C3orf33: variants seen among roughly 807,000 people sequenced by gnomAD.
C3orf33 encodes mitochondrial inner membrane subdomain organizer 1.
A neutral mutation model predicts 28.7 loss-of-function variants in C3orf33; 23 were observed. The observed-to-expected ratio is 0.80, with a 90% confidence interval of 0.58 to 1.13. C3orf33 has a LOEUF of 1.13. C3orf33 is among the 50% of genes most tolerant of loss of function. The pLI is 0.00. For missense variants in C3orf33, 327 were observed against 353.4 expected (o/e 0.93, Z 0.60); for synonymous variants, 119 against 120.5 (o/e 0.99, Z 0.08).
chr3:155,780,064 A>G (rs1039802689), intron 2 of C3orf33, among the ~76,000 whole-genome samples: 8 of 152,258 alleles, frequency 5.3e-5, no homozygotes, highest in Non-Finnish European at 1.2e-4. Flanking sequence ...ATAAGTGTAG[A>G]GCAATACATG....
intron 2 of C3orf33, among the ~76,000 whole-genome samples, chr3:155,777,640 T>A (rs1750793105): frequency 6.6e-6 from 1 of 152,102 alleles, no homozygotes; most frequent in Non-Finnish European, 1.5e-5. Context: ...TCTTTATTTG[T>A]CACCCAGGCT....
chr3:155,775,939 G>A, intron 2 of C3orf33, 91 bp from the exon 3 acceptor site: 2 of 921,764 alleles, frequency 2.2e-6, no homozygotes, highest in South Asian at 1.6e-5. Flanking sequence ...TTTCACAAGA[G>A]TACATAACCA....
chr3:155,774,687 T>A (rs1307721429), intron 3 of C3orf33, among the ~76,000 whole-genome samples: 3 of 100,686 alleles, frequency 3.0e-5, no homozygotes, highest in Non-Finnish European at 4.1e-5. Context: ...TTTTTTTTTT[T>A]AGCTCATCAG....
At chr3:155,798,606 T>C (rs1751548198) in intron 2 of C3orf33, among the ~76,000 whole-genome samples, 2 of 152,074 alleles carry the variant, frequency 1.3e-5, no homozygotes, top group Admixed American at 1.3e-4. Flanking sequence ...TCTCATCATA[T>C]ACAAAAATAA....
intron 1 of C3orf33, 94 bp downstream of exon 1, chr3:155,806,045 C>T: frequency 1.2e-6 from 1 of 857,660 alleles, no homozygotes; most frequent in Non-Finnish European, 1.6e-6. Context: ...TCCCCGGCCC[C>T]GGCGGGATCC....
At chr3:155,793,337 C>G (rs1489293979) in intron 2 of C3orf33, among the ~76,000 whole-genome samples, 1 of 149,608 alleles carries the variant, frequency 6.7e-6, no homozygotes, top group East Asian at 2.0e-4. Flanking sequence ...CCAGACATGT[C>G]CTGCAAGAAA....
At chr3:155,771,056 T>TGTGTGTGTGTG (rs1271435779) in intron 3 of C3orf33, among the ~76,000 whole-genome samples, 4 of 136,190 alleles carry the variant, frequency 2.9e-5, no homozygotes, top group African/African-American at 5.4e-5. Context: ...TGTGTGTGTG[T>TGTGTGTGTGTG]TGAGACATAG....
Position 155,763,421 on chromosome 3 carries a change from A to T in C3orf33, c.*96T>A. The T allele has an allele frequency of 1.1e-6, 1 of 885,330 alleles. No homozygotes were observed. The highest frequency in any genetic ancestry group is 1.6e-6 in the Non-Finnish European group (1 of 639,196). 54.8% of individuals were successfully genotyped at this position (885,330 alleles called of 1,614,324 possible). ...ATACCATTGGACTAACACTTTGATC[A>T]TTTGGCAAAACTTCCATTTTGATTC... On this transcript the variant is annotated 3_prime_UTR_variant, in exon 5 of 5. Coordinates refer to ENST00000340171, the MANE Select transcript of C3orf33 (RefSeq NM_001308229.2).
chr3:155,790,648 A>G (rs1226329501), intron 2 of C3orf33, among the ~76,000 whole-genome samples: 3 of 152,120 alleles, frequency 2.0e-5, no homozygotes, highest in Non-Finnish European at 4.4e-5. Context: ...GGGAGAATCT[A>G]TGCACTTGGA....
At chr3:155,780,155 T>C (rs772602741) in intron 2 of C3orf33, among the ~76,000 whole-genome samples, 1 of 152,216 alleles carries the variant, frequency 6.6e-6, no homozygotes, top group Non-Finnish European at 1.5e-5. Flanking sequence ...GGAGGCTGTC[T>C]TTACAGGAAG....
chr3:155,791,137 T>A (rs934861584), intron 2 of C3orf33, among the ~76,000 whole-genome samples: 2 of 152,222 alleles, frequency 1.3e-5, no homozygotes, highest in Admixed American at 1.3e-4. Context: ...AGCTCAGCTA[T>A]AGTAGGATAA....
intron 3 of C3orf33, among the ~76,000 whole-genome samples, chr3:155,771,604 C>G (rs917496455): frequency 6.6e-6 from 1 of 152,090 alleles, no homozygotes; most frequent in Non-Finnish European, 1.5e-5. Flanking sequence ...ACAATGTTGC[C>G]AGGGCTGGTC....
chr3:155,779,711 A>T (rs952118463), intron 2 of C3orf33, among the ~76,000 whole-genome samples: 5 of 152,228 alleles, frequency 3.3e-5, no homozygotes, highest in African/African-American at 1.2e-4. Context: ...TACTTTGCCC[A>T]GGGAAAGAAA....
intron 2 of C3orf33, among the ~76,000 whole-genome samples, chr3:155,787,205 C>G (rs2133458): frequency 0.026 from 3,903 of 152,206 alleles, 189 homozygotes; most frequent in African/African-American, 0.089. Context: ...TTCAGCCACT[C>G]TTTTCTTTGT....
At chr3:155,776,595 G>C (rs1274448948) in intron 2 of C3orf33, among the ~76,000 whole-genome samples, 1 of 151,540 alleles carries the variant, frequency 6.6e-6, no homozygotes, top group Non-Finnish European at 1.5e-5. Context: ...ACCAGCCTGG[G>C]CAACAATAGC....
intron 3 of C3orf33, among the ~76,000 whole-genome samples, chr3:155,773,610 T>G (rs1750653726): frequency 1.3e-5 from 2 of 152,222 alleles, no homozygotes; most frequent in South Asian, 4.1e-4. Flanking sequence ...ACATAAATAC[T>G]TTATTATTTG....
At chr3:155,767,443 A>G in intron 4 of C3orf33, 66 bp downstream of exon 4, 3 of 1,218,868 alleles carry the variant, frequency 2.5e-6, no homozygotes, top group African/African-American at 1.5e-5. Context: ...TTCTAATTAA[A>G]TAAGTGTTTA....
chr3:155,775,591 C>T, intron 3 of C3orf33, 110 bp downstream of exon 3: 1 of 663,682 alleles, frequency 1.5e-6, no homozygotes, highest in Non-Finnish European at 2.3e-6. Context: ...TTCTCATGGA[C>T]AATGGAGAGT....
intron 2 of C3orf33, among the ~76,000 whole-genome samples, chr3:155,792,544 A>G (rs1172107377): frequency 6.6e-6 from 1 of 152,138 alleles, no homozygotes; most frequent in Admixed American, 6.6e-5. Flanking sequence ...TGAAGAGAAT[A>G]TTCGAAATGG....
Sources: gnomAD v4.1 joint callset for allele counts (sites outside exome capture counted in the v4.1 genomes callset) on GRCh38, gnomAD v4.1.1 for gene constraint, MANE v1.5 for transcripts, NCBI Gene and HGNC (gene_info 2026-07-23, HGNC 2026-07-21) for gene names.